ERN2: variants seen among roughly 807,000 people sequenced by gnomAD.
ERN2 encodes the protein endoplasmic reticulum to nucleus signaling 2.
A neutral mutation model predicts 107.9 loss-of-function variants in ERN2; 111 were observed. The ratio of observed to expected loss-of-function variants is 1.03; its 90% confidence interval spans 0.88 to 1.20. The LOEUF (loss-of-function observed/expected upper bound fraction) is 1.20, where lower values mean the gene tolerates loss of function less well. Among genes scored for constraint, ERN2 ranks in the 50% most tolerant of loss-of-function variants. ERN2 has a pLI of 0.00. For missense variants in ERN2, 1,225 were observed against 1,197.9 expected, an observed-to-expected ratio of 1.02 and a Z score of -0.33; for synonymous variants, 524 against 501.7, an observed-to-expected ratio of 1.04 and a Z score of -0.59.
rs753152091 is a variant in ERN2, at chr16:23,691,364, G to T, written c.2438C>A (p.Ala813Glu). ...EQEPLVRALEAGGCAVVRDNW... is the reference protein window; with the variant it reads ...EQEPLVRALEEGGCAVVRDNW... ...GTCCCGGACCACTGCGCAGCCTCCC[G>T]CCTCCAGTGCCCTCACCAGGGGCTC... is the stretch of plus-strand genomic sequence containing the variant. The change falls in exon 20 of 22, where the codon GCG (alanine) becomes GAG (glutamate). Residue 813 changes from alanine (A) to glutamate (E), a missense_variant. Transcript: ENST00000256797. The T allele has an allele frequency of 4.4e-6, 7 of 1,603,488 alleles. No homozygotes were observed. Among genetic ancestry groups the T allele is most frequent in the Middle Eastern group, 3.3e-4 (2 of 6,060 alleles).
Position 23,704,876 on chromosome 16 carries a change from C to T in ERN2, c.854+7G>A. On this transcript the variant is annotated splice_region_variant and intron_variant, in intron 8 of 21. Coordinates refer to ENST00000256797, the MANE Select transcript of ERN2 (RefSeq NM_033266.4). ...TCCCTCCCTGGGCCCCAGGCACGAACACCTACAGCAGCTGGGTGTCCAAGG... is the reference window on the plus strand; with the variant it reads ...TCCCTCCCTGGGCCCCAGGCACGAATACCTACAGCAGCTGGGTGTCCAAGG... 6.2e-7 allele frequency: 1 copy of T among 1,605,218 alleles called. No homozygotes were observed. The highest frequency in any genetic ancestry group is 8.5e-7 in the Non-Finnish European group (1 of 1,178,746).
chr16:23,705,050 C>A lies in ERN2; in HGVS notation c.687G>T (p.Val229=). 1 of 1,613,890 alleles carries A rather than the reference C, an allele frequency of 6.2e-7. No homozygotes were observed. The highest frequency in any genetic ancestry group is 8.5e-7 in the Non-Finnish European group (1 of 1,179,976). ...CCTGGTGCCAGGTGTAGACGCCCAT[C>A]ACAGGCACGCCCAGGTCCTGTGTCC... The part of the protein sequence containing the change: ...VLWTQDLGVP[V]MGVYTWHQDG... The change falls in exon 8 of 22, where the codon GTG becomes GTT. Residue 229 remains valine, a synonymous_variant. Transcript: ENST00000256797.
chr16:23,707,709 TC>T (rs1195164480), intron 4 of ERN2, among the ~76,000 whole-genome samples: 3 of 152,006 alleles, frequency 2.0e-5, no homozygotes, highest in Admixed American at 2.0e-4. Flanking sequence ...TGAGACTCTG[TC>T]TCTAAACAAA....
chr16:23,690,820 T>A lies in ERN2; in HGVS notation c.*11A>T, dbSNP rs1254112745. 1.2e-6 allele frequency: 2 copies of A among 1,604,708 alleles called. No individual in the cohort carries two copies. The highest frequency in any genetic ancestry group is 1.7e-6 in the Non-Finnish European group (2 of 1,178,152). Reference sequence around the variant, plus strand: ...CAGCACGGAGACCATCTGTGTGGCATCCAGCCCACCTCACCTCCCTGTGGC... The same window carrying A: ...CAGCACGGAGACCATCTGTGTGGCAACCAGCCCACCTCACCTCCCTGTGGC... On this transcript the variant is annotated 3_prime_UTR_variant, in exon 22 of 22. Coordinates refer to ENST00000256797, the MANE Select transcript of ERN2 (RefSeq NM_033266.4).
Position 23,695,009 on chromosome 16 carries a change from G to A in ERN2, c.1900+10C>T, listed in dbSNP as rs1597143063. 1.2e-6 allele frequency: 2 copies of A among 1,613,192 alleles called. No individual in the cohort carries two copies. The highest frequency in any genetic ancestry group is 1.7e-6 in the Non-Finnish European group (2 of 1,179,466). On this transcript the variant is annotated intron_variant, in intron 16 of 21. Coordinates refer to ENST00000256797, the MANE Select transcript of ERN2 (RefSeq NM_033266.4). ...GGACAGGGAGCGGGAGGCAGGGGAA[G>A]TGCGGGTACCTATGTGTAAAGAGTG...
Position 23,702,092 on chromosome 16 carries a change from G to A in ERN2, c.1203+60C>T, listed in dbSNP as rs546184072. ...AGCAGCCCGAGGAAAAGATCCAAGGGCTATTCCCCCCATCTGCTGGGGCCT... is the reference window on the plus strand; with the variant it reads ...AGCAGCCCGAGGAAAAGATCCAAGGACTATTCCCCCCATCTGCTGGGGCCT... On this transcript the variant is annotated intron_variant, in intron 11 of 21. Coordinates refer to ENST00000256797, the MANE Select transcript of ERN2 (RefSeq NM_033266.4). The A allele has an allele frequency of 1.2e-5, 19 of 1,542,556 alleles. No homozygotes were observed. The South Asian group carries it at 1.7e-4, about 14-fold the overall frequency.
At chr16:23,698,490 T>C (rs1186603241) in intron 13 of ERN2, among the ~76,000 whole-genome samples, 1 of 152,250 alleles carries the variant, frequency 6.6e-6, no homozygotes, top group Non-Finnish European at 1.5e-5. Flanking sequence ...CCACTTGTTA[T>C]TGAATACATG....
Position 23,713,153 on chromosome 16 carries a change from G to T in ERN2, c.35C>A (p.Pro12His). 1 of 1,574,418 alleles carries T rather than the reference G, an allele frequency of 6.4e-7. No individual in the cohort carries two copies. ...ASAVRGSRPW[P>H]RLGLQLQFAA... ...GAACTGGAGCTGGAGCCCCAGCCGG[G>T]GCCACGGCCTCGACCCCCTGACCGC... is the stretch of plus-strand genomic sequence containing the variant. Residue 12 changes from proline to histidine, a missense_variant, in exon 1 of 22, where the codon CCC becomes CAC. By Grantham distance (77) the Pro-to-His change is moderately conservative (BLOSUM62 -2). Transcript: ENST00000256797.
In ERN2 at chr16:23,695,173, C is replaced by A. The variant is rs764773011; in HGVS notation, c.1800+27G>T. On this transcript the variant is annotated intron_variant, in intron 15 of 21. Coordinates refer to ENST00000256797, the MANE Select transcript of ERN2 (RefSeq NM_033266.4). ...TCTCCAGCCCGGACCTTCCCACTCACCCTCCCTGAACCGCAATGCAACTCA... is the reference window on the plus strand; with the variant it reads ...TCTCCAGCCCGGACCTTCCCACTCAACCTCCCTGAACCGCAATGCAACTCA... 7.1e-5 allele frequency: 115 copies of A among 1,613,780 alleles called. No homozygotes were observed. The South Asian group carries it at 7.5e-4, about 10-fold the overall frequency.
intron 11 of ERN2, 83 bp downstream of exon 11, chr16:23,702,069 C>T: frequency 4.9e-6 from 7 of 1,429,000 alleles, no homozygotes; most frequent in Non-Finnish European, 6.7e-6. Context: ...TTATTCTTAG[C>T]AGCCCGAGGA....
In ERN2 at chr16:23,710,945, T is replaced by C. The variant is rs144544457; in HGVS notation, c.167A>G (p.Gln56Arg). The C allele has an allele frequency of 1.1e-5, 18 of 1,614,012 alleles. No individual in the cohort carries two copies. In the African/African-American group the frequency reaches 2.0e-4, roughly 18 times the overall value. The change falls in exon 2 of 22, where the codon CAG becomes CGG. Residue 56 changes from glutamine (Q) to arginine (R), a missense_variant. Coordinates refer to ENST00000256797, the MANE Select transcript of ERN2 (RefSeq NM_033266.4). The part of the protein sequence containing the change: ...LDGSLHALSK[Q>R]TGDLKWTLRD... Reference sequence around the variant, plus strand: ...CAGAGTCCACTTCAGGTCCCCTGTCTGCTTGCTTAGTGCGTGGAGACTTCC... The same window carrying C: ...CAGAGTCCACTTCAGGTCCCCTGTCCGCTTGCTTAGTGCGTGGAGACTTCC...
chr16:23,706,464 G>C, intron 6 of ERN2, 33 bp from the exon 7 acceptor site: 1 of 1,481,494 alleles, frequency 6.7e-7, no homozygotes. Context: ...TACCAGGAAC[G>C]TCCATTTGAT....
chr16:23,710,147 T>C, intron 4 of ERN2, 25 bp downstream of exon 4: 1 of 1,573,922 alleles, frequency 6.4e-7, no homozygotes, highest in Non-Finnish European at 8.7e-7. Context: ...CTCTCACCCA[T>C]TCCCGAACAC....
intron 13 of ERN2, among the ~76,000 whole-genome samples, chr16:23,698,582 G>A (rs1001593808): frequency 6.6e-6 from 1 of 151,898 alleles, no homozygotes; most frequent in South Asian, 2.1e-4. Context: ...TTTTTTGTGG[G>A]TTTTTTGTTT....
At position 23,695,050 on chromosome 16, in the gene ERN2, A is replaced by G. The variant is rs1462736747; in HGVS notation, c.1869T>C (p.Ser623=). ...EPEVVLQQLM[S]GLAHLHSLHI... ...GTAAAGAGTGCAGGTGGGCCAGGCC[A>G]GACATCAGCTGCTGCAGCACGACCT... The change falls in exon 16 of 22, where the codon TCT becomes TCC. Residue 623 remains serine (S), a synonymous_variant. Coordinates refer to ENST00000256797, the MANE Select transcript of ERN2 (RefSeq NM_033266.4). 1 of 1,613,728 alleles carries G rather than the reference A, an allele frequency of 6.2e-7. No homozygotes were observed. Among genetic ancestry groups the G allele is most frequent in the Middle Eastern group, 1.6e-4 (1 of 6,062 alleles).
At chr16:23,696,957 A>G (rs1959853747) in intron 13 of ERN2, 1 of 151,968 alleles carries the variant, frequency 6.6e-6, no homozygotes, top group African/African-American at 2.4e-5. Flanking sequence ...AGGCCGGGAA[A>G]GGTGGATCAC....
intron 13 of ERN2, among the ~76,000 whole-genome samples, chr16:23,700,315 C>T (rs1163357020): frequency 6.6e-6 from 1 of 152,080 alleles, no homozygotes; most frequent in Non-Finnish European, 1.5e-5. Context: ...CCAGCCTGGG[C>T]AACAGAGCAA....
chr16:23,700,549 G>A lies in ERN2; in HGVS notation c.1515C>T (p.Asp505=), dbSNP rs775362215. The change falls in exon 13 of 22, where the codon GAC becomes GAT. Residue 505 remains aspartate, a synonymous_variant. Transcript: ENST00000256797. ...QSPSKQAQPL[D]DPEAEQLTVV... is the part of the protein sequence containing the mutation. ...TTCACACAGGCTCACCTTCAGGGTC[G>A]TCGAGTGGCTGGGCTTGCTTTGAGG... 6 of 1,612,242 alleles carry A rather than the reference G, an allele frequency of 3.7e-6. No individual in the cohort carries two copies. Among genetic ancestry groups the A allele is most frequent in the Admixed American group, 1.7e-5 (1 of 59,738 alleles).
At chr16:23,691,911 C>G in intron 19 of ERN2, 52 bp downstream of exon 19, 1 of 1,588,942 alleles carries the variant, frequency 6.3e-7, no homozygotes, top group Non-Finnish European at 8.5e-7. Context: ...TCTTATTGCC[C>G]AGGACCCAAA....
Sources: gnomAD v4.1 joint callset for allele counts (sites outside exome capture counted in the v4.1 genomes callset) on GRCh38, gnomAD v4.1.1 for gene constraint, MANE v1.5 for transcripts, NCBI Gene and HGNC (gene_info 2026-07-23, HGNC 2026-07-21) for gene names.